The following SMIM31 variants were observed in gnomAD, a reference collection of about 807,000 sequenced individuals.
The protein encoded by SMIM31 is human epithelial cell program regulator.
chr4:164,772,724 G>A (rs1037399689), intron 2 of SMIM31, among the ~76,000 whole-genome samples: 26 of 151,428 alleles, frequency 1.7e-4, no homozygotes, highest in African/African-American at 4.4e-4. Flanking sequence ...GACTACAGGC[G>A]CCCGCCACCA....
intron 2 of SMIM31, among the ~76,000 whole-genome samples, chr4:164,782,381 T>TA (rs1290004018): frequency 4.1e-4 from 59 of 145,130 alleles, no homozygotes; most frequent in East Asian, 1.6e-3. Flanking sequence ...TCTTTTATTT[T>TA]TTTTTTTTTT....
chr4:164,764,769 A>C (rs72694083), intron 1 of SMIM31, among the ~76,000 whole-genome samples: 5,705 of 152,254 alleles, frequency 0.037, 198 homozygotes, highest in East Asian at 0.16. Flanking sequence ...CAAAGGAAAG[A>C]AAGCCCAGGC....
intron 2 of SMIM31, among the ~76,000 whole-genome samples, chr4:164,796,195 G>A (rs984813850): frequency 1.3e-5 from 2 of 152,228 alleles, no homozygotes; most frequent in Non-Finnish European, 1.5e-5. Context: ...AAACCACCAT[G>A]TGTAAAATAA....
chr4:164,777,028 C>T (rs1181393606), intron 2 of SMIM31, among the ~76,000 whole-genome samples: 1 of 152,110 alleles, frequency 6.6e-6, no homozygotes, highest in South Asian at 2.1e-4. Flanking sequence ...CTGATTTACG[C>T]AAAAAGATGA....
intron 1 of SMIM31, among the ~76,000 whole-genome samples, chr4:164,763,299 G>A (rs1373083599): frequency 6.6e-6 from 1 of 151,848 alleles, no homozygotes; most frequent in Non-Finnish European, 1.5e-5. Context: ...TCTTCAACAT[G>A]TTATATTATC....
At chr4:164,777,706 T>C (rs1732896000) in intron 2 of SMIM31, among the ~76,000 whole-genome samples, 1 of 152,170 alleles carries the variant, frequency 6.6e-6, no homozygotes, top group African/African-American at 2.4e-5. Context: ...AGCATCCCCA[T>C]GCCAGACACT....
At chr4:164,793,617 CT>C (rs1490688515) in intron 2 of SMIM31, among the ~76,000 whole-genome samples, 9 of 152,118 alleles carry the variant, frequency 5.9e-5, no homozygotes, top group African/African-American at 2.2e-4. Flanking sequence ...TACATGATTT[CT>C]TCTTTGTGTG....
At chr4:164,792,137 G>C (rs1221107766) in intron 2 of SMIM31, among the ~76,000 whole-genome samples, 1 of 152,184 alleles carries the variant, frequency 6.6e-6, no homozygotes, top group African/African-American at 2.4e-5. Context: ...TAGTAGATCT[G>C]AGATTCTGCA....
intron 1 of SMIM31, among the ~76,000 whole-genome samples, chr4:164,762,875 A>G (rs558735251): frequency 1.3e-5 from 2 of 152,244 alleles, no homozygotes; most frequent in Middle Eastern, 6.8e-3. Context: ...AAACGCTTTG[A>G]AGAACATGCA....
intron 2 of SMIM31, among the ~76,000 whole-genome samples, chr4:164,784,847 A>T (rs559591062): frequency 1.8e-4 from 27 of 151,128 alleles, no homozygotes; most frequent in South Asian, 4.2e-4. Context: ...AAATCAAATG[A>T]TCTTTGCTAT....
At chr4:164,774,420 T>C (rs1732854814) in intron 2 of SMIM31, among the ~76,000 whole-genome samples, 1 of 152,160 alleles carries the variant, frequency 6.6e-6, no homozygotes, top group African/African-American at 2.4e-5. Context: ...GAGTGCTTAA[T>C]AGAATTAGAC....
intron 2 of SMIM31, among the ~76,000 whole-genome samples, chr4:164,782,465 G>A (rs1202520256): frequency 1.4e-4 from 19 of 136,852 alleles, no homozygotes; most frequent in Admixed American, 1.3e-3. Flanking sequence ...TGCAAGCTCC[G>A]CTTCCCAGGT....
intron 2 of SMIM31, among the ~76,000 whole-genome samples, chr4:164,788,223 G>C (rs574356367): frequency 6.6e-6 from 1 of 152,182 alleles, no homozygotes; most frequent in South Asian, 2.1e-4. Context: ...GAGGATAATT[G>C]CTCCCTCTAA....
chr4:164,770,725 T>A (rs551156917), intron 2 of SMIM31, among the ~76,000 whole-genome samples, 170 bp downstream of exon 2: 1 of 152,296 alleles, frequency 6.6e-6, no homozygotes, highest in South Asian at 2.1e-4. Context: ...CAACTATATA[T>A]AGAAAGGAAA....
chr4:164,783,001 C>T (rs969517796), intron 2 of SMIM31, among the ~76,000 whole-genome samples: 15 of 151,734 alleles, frequency 9.9e-5, no homozygotes, highest in South Asian at 2.1e-4. Flanking sequence ...GGGCGGATCA[C>T]GAGGTCAGGA....
chr4:164,783,202 A>T (rs1338487415), intron 2 of SMIM31, among the ~76,000 whole-genome samples: 2 of 131,704 alleles, frequency 1.5e-5, no homozygotes, highest in African/African-American at 5.9e-5. Flanking sequence ...TGGGCAACAT[A>T]GCAAGACTCT....
chr4:164,773,231 A>G (rs1732836117), intron 2 of SMIM31, among the ~76,000 whole-genome samples: 1 of 152,174 alleles, frequency 6.6e-6, no homozygotes, highest in African/African-American at 2.4e-5. Context: ...ATTTCAGCAC[A>G]GAGCACAAAT....
chr4:164,776,109 C>G (rs754166324), intron 2 of SMIM31, among the ~76,000 whole-genome samples: 4 of 152,090 alleles, frequency 2.6e-5, no homozygotes, highest in Non-Finnish European at 4.4e-5. Context: ...CACCTGTCCA[C>G]CAATAATCCC....
chr4:164,765,497 C>T (rs766740515), intron 1 of SMIM31, among the ~76,000 whole-genome samples: 37 of 152,028 alleles, frequency 2.4e-4, no homozygotes, highest in Non-Finnish European at 2.8e-4. Flanking sequence ...CATGACAGAA[C>T]CACCCTCCTA....
Sources: allele counts gnomAD v4.1 joint callset (sites outside exome capture counted in the v4.1 genomes callset), GRCh38; gene constraint gnomAD v4.1.1; transcripts MANE v1.5; gene names NCBI Gene and HGNC (gene_info 2026-07-23, HGNC 2026-07-21).